Variants in VPS51 observed in about 807,000 individuals in gnomAD.
The protein encoded by VPS51 is vacuolar protein sorting-associated protein 51 homolog.
VPS51 carries 55 observed loss-of-function variants against 65.1 expected under a neutral mutation model. The ratio of observed to expected loss-of-function variants is 0.84; its 90% confidence interval spans 0.68 to 1.06. The LOEUF (loss-of-function observed/expected upper bound fraction) is 1.06, where lower values mean the gene tolerates loss of function less well. Ranked by LOEUF, VPS51 falls within the 50% of genes least tolerant of loss-of-function variation. The pLI is 0.00. For synonymous variants in VPS51, 473 were observed against 489.5 expected, an observed-to-expected ratio of 0.97 and a Z score of 0.44; for missense variants, 943 against 1,101.6, an observed-to-expected ratio of 0.86 and a Z score of 2.04.
At chr11:65,108,114 C>T (rs1300651224) in intron 4 of VPS51, 83 bp from the exon 5 acceptor site, 4 of 1,538,682 alleles carry the variant, frequency 2.6e-6, no homozygotes, top group South Asian at 1.2e-5. Flanking sequence ...TGTCCCCCTG[C>T]CCTGTGTGTG....
chr11:65,108,626 G>GCACTCCA lies in VPS51; in HGVS notation c.1156_1157insACTCCAC (p.Leu386HisfsTer75). Reference sequence around the variant, plus strand: ...GGCGCTTGCGGGCTCCCGGGGCCCTGCTGGCCGCTGCCGGGCTCGCAGACG... The same window carrying GCACTCCA: ...GGCGCTTGCGGGCTCCCGGGGCCCTGCACTCCACTGGCCGCTGCCGGGCTCGCAGACG... On this transcript the variant is annotated frameshift_variant, in exon 5 of 10. Transcript: ENST00000279281. LOFTEE classifies it high-confidence loss of function. 6.5e-7 allele frequency: 1 copy of GCACTCCA among 1,528,954 alleles called. No homozygotes were observed. Among genetic ancestry groups the GCACTCCA allele is most frequent in the Non-Finnish European group, 8.7e-7 (1 of 1,146,260 alleles). The allele number at this position is 1,528,954 out of a possible 1,614,324, so 94.7% of individuals were successfully genotyped here.
At position 65,109,937 on chromosome 11, in the gene VPS51, T is replaced by C. The variant is rs1453288171; in HGVS notation, c.1878+14T>C. 5.1e-6 allele frequency: 8 copies of C among 1,580,520 alleles called. No homozygotes were observed. The highest frequency in any genetic ancestry group is 6.9e-6 in the Non-Finnish European group (8 of 1,167,598). On this transcript the variant is annotated intron_variant, in intron 7 of 9. Coordinates refer to ENST00000279281, the MANE Select transcript of VPS51 (RefSeq NM_013265.4). ...ATCGACGTGCAGGTGCTGCCCAGGC[T>C]GGCCGGGGTAGCCCTGACGCAGGCT...
rs754372916 is a variant in VPS51, at chr11:65,109,544, C to T, written c.1659+49C>T. On this transcript the variant is annotated intron_variant, in intron 6 of 9. Transcript: ENST00000279281. ...GCAGGGAATGGTGTTGCTGGGAATG[C>T]AGATGGCTGGACAGTGCCCTCATGG... 10 of 1,593,626 alleles carry T rather than the reference C, an allele frequency of 6.3e-6. No homozygotes were observed. In the Admixed American group the frequency reaches 1.3e-4, roughly 21 times the overall value.
At chr11:65,096,903 CAG>C in intron 1 of VPS51, 93 bp from the exon 2 acceptor site, 1 of 1,533,904 alleles carries the variant, frequency 6.5e-7, no homozygotes, top group East Asian at 2.4e-5. Context: ...GGGTGGGGAT[CAG>C]AGATTTCTTG....
At position 65,109,444 on chromosome 11, in the gene VPS51, G is replaced by A. The variant is rs376252985; in HGVS notation, c.1608G>A (p.Thr536=). ...CCCGCCTCTGCCTGGACTACGAGAC[G>A]GCCACCATCTCCTACATCCTCACTC... The part of the protein sequence containing the change: ...LLSRLCLDYE[T]ATISYILTLT... The change falls in exon 6 of 10, where the codon ACG becomes ACA. Residue 536 remains threonine, a synonymous_variant. Coordinates refer to ENST00000279281, the MANE Select transcript of VPS51 (RefSeq NM_013265.4). The A allele has an allele frequency of 2.5e-5, 40 of 1,608,976 alleles. No homozygotes were observed. Among genetic ancestry groups the A allele is most frequent in the Non-Finnish European group, 2.6e-5 (31 of 1,180,018 alleles).
intron 6 of VPS51, 64 bp from the exon 7 acceptor site, chr11:65,109,641 G>T: frequency 6.6e-7 from 1 of 1,516,412 alleles, no homozygotes; most frequent in South Asian, 1.3e-5. Flanking sequence ...GCTCCTGGTT[G>T]GCAGTGGCCC....
intron 6 of VPS51, 74 bp from the exon 7 acceptor site, chr11:65,109,631 G>C (rs1447411903): frequency 4.0e-6 from 6 of 1,514,164 alleles, no homozygotes; most frequent in Non-Finnish European, 5.3e-6. Context: ...TCTGTGCCCA[G>C]CTCCTGGTTG....
In VPS51 at chr11:65,108,360, G is replaced by A; in HGVS notation, c.889G>A (p.Ala297Thr). The change falls in exon 5 of 10, where the codon GCT becomes ACT. Residue 297 changes from alanine (A) to threonine (T), a missense_variant. Ala to Thr is a moderately conservative substitution (Grantham distance 58). Coordinates refer to ENST00000279281, the MANE Select transcript of VPS51 (RefSeq NM_013265.4). ...LEAELGPSPP[A>T]PDVLEFTDHG... ...GGCCGAGCTGGGGCCCTCACCTCCG[G>A]CTCCCGACGTGTTAGAGTTCACCGA... The A allele has an allele frequency of 6.2e-7, 1 of 1,612,072 alleles. No individual in the cohort carries two copies. The highest frequency in any genetic ancestry group is 8.5e-7 in the Non-Finnish European group (1 of 1,179,648).
At chr11:65,106,282 G>A (rs1037123593) in intron 2 of VPS51, among the ~76,000 whole-genome samples, 1 of 152,166 alleles carries the variant, frequency 6.6e-6, no homozygotes, top group African/African-American at 2.4e-5. Context: ...AGAACTGCCC[G>A]AGACTAGGTA....
intron 1 of VPS51, 177 bp from the exon 2 acceptor site, chr11:65,096,821 A>G: frequency 1.1e-6 from 1 of 906,852 alleles, no homozygotes; most frequent in Non-Finnish European, 1.6e-6. Flanking sequence ...GGTTGAACCT[A>G]GTAACCCCTG....
chr11:65,096,345 A>G lies in VPS51; in HGVS notation c.95A>G (p.Lys32Arg), dbSNP rs771429081. ...GGGGAGGCTCCGGAGCGTCGGCGGA[A>G]GGCGCACGGGATGCTGAAGCTTTAC... ...PEGEAPERRR[K>R]AHGMLKLYYG... is the part of the protein sequence containing the mutation. Residue 32 changes from lysine (K) to arginine (R), a missense_variant, in exon 1 of 10, where the codon AAG becomes AGG. Coordinates refer to ENST00000279281, the MANE Select transcript of VPS51 (RefSeq NM_013265.4). 9 of 1,523,758 alleles carry G rather than the reference A, an allele frequency of 5.9e-6. No individual in the cohort carries two copies. In the East Asian group the frequency reaches 1.0e-4, roughly 17 times the overall value. The allele number at this position is 1,523,758 out of a possible 1,614,324, so 94.4% of individuals were successfully genotyped here. A position where few individuals can be genotyped will look rare whatever the true frequency, so the allele number is the denominator to read the frequency against.
rs753876659 is a variant in VPS51 at position 65,107,776 on chromosome 11, G to C, written c.506-27G>C. The C allele has an allele frequency of 2.5e-6, 4 of 1,604,116 alleles. No homozygotes were observed. The highest frequency in any genetic ancestry group is 3.4e-6 in the Non-Finnish European group (4 of 1,176,376). On this transcript the variant is annotated intron_variant, in intron 3 of 9. Coordinates refer to ENST00000279281, the MANE Select transcript of VPS51 (RefSeq NM_013265.4). The surrounding 1 kb of genome is among the most constrained non-coding windows in gnomAD (Gnocchi z 4.0). Reference sequence around the variant, plus strand: ...GCAGTGGGCCTTTCCTGGGGCTCTGGGGCTAACGTCACCCTCCGTCCCCCA... The same window carrying C: ...GCAGTGGGCCTTTCCTGGGGCTCTGCGGCTAACGTCACCCTCCGTCCCCCA...
In VPS51 at chr11:65,110,449, G is replaced by A. The variant is rs547593117; in HGVS notation, c.1879-33G>A. On this transcript the variant is annotated intron_variant, in intron 7 of 9. Transcript: ENST00000279281. ...ATGGGCTGGTGGTTTCCCCTGACTC[G>A]GGCCTCCTTGCAGTACCTCTTTTTA... The A allele has an allele frequency of 2.2e-5, 35 of 1,613,334 alleles. No homozygotes were observed. In the East Asian group the frequency reaches 6.7e-4, roughly 31 times the overall value.
intron 9 of VPS51, 34 bp from the exon 10 acceptor site, chr11:65,111,293 T>A: frequency 6.3e-7 from 1 of 1,599,146 alleles, no homozygotes; most frequent in South Asian, 1.1e-5. Flanking sequence ...ACACCTGCAG[T>A]CCCCAAGCTG....
Position 65,110,780 on chromosome 11 carries a change from A to G in VPS51, c.2087A>G (p.Lys696Arg), listed in dbSNP as rs747933664. The G allele has an allele frequency of 3.7e-6, 6 of 1,614,106 alleles. No homozygotes were observed. The South Asian group carries it at 6.6e-5, about 18-fold the overall frequency. ...GTGTTCAGCCCTGTGGAGTTCAACAAGGTCCGACTTCCAACGTGACTCAGA... is the reference window on the plus strand; with the variant it reads ...GTGTTCAGCCCTGTGGAGTTCAACAGGGTCCGACTTCCAACGTGACTCAGA... The part of the protein sequence containing the change: ...IDVFSPVEFN[K>R]VSVLTGIIKI... The change falls in exon 9 of 10, where the codon AAG becomes AGG. Residue 696 changes from lysine (K) to arginine (R), a missense_variant and splice_region_variant. By Grantham distance (26) the Lys-to-Arg change is conservative. Coordinates refer to ENST00000279281, the MANE Select transcript of VPS51 (RefSeq NM_013265.4).
chr11:65,111,833 G>A lies in VPS51; in HGVS notation c.*246G>A. The A allele has an allele frequency of 2.1e-6, 2 of 932,376 alleles. No individual in the cohort carries two copies. The highest frequency in any genetic ancestry group is 1.6e-5 in the South Asian group (1 of 60,954). The allele number at this position is 932,376 out of a possible 1,614,324, so 57.8% of individuals were successfully genotyped here. A position where few individuals can be genotyped will look rare whatever the true frequency, so the allele number is the denominator to read the frequency against. On this transcript the variant is annotated 3_prime_UTR_variant, in exon 10 of 10. Transcript: ENST00000279281. ...GTGCTGGGCCCAGCATGGGCAGGGG[G>A]CGGTTCCACTTAAAAACCCTGGGAC...
At position 65,110,778 on chromosome 11, in the gene VPS51, C is replaced by T; in HGVS notation, c.2085C>T (p.Asn695=). The change falls in exon 9 of 10, where the codon AAC becomes AAT. Residue 695 remains asparagine (N), a synonymous_variant. Coordinates refer to ENST00000279281, the MANE Select transcript of VPS51 (RefSeq NM_013265.4). ...ATGTGTTCAGCCCTGTGGAGTTCAA[C>T]AAGGTCCGACTTCCAACGTGACTCA... ...RIDVFSPVEF[N]KVSVLTGIIK... 1 of 1,614,152 alleles carries T rather than the reference C, an allele frequency of 6.2e-7. No individual in the cohort carries two copies. Among genetic ancestry groups the T allele is most frequent in the South Asian group, 1.1e-5 (1 of 91,086 alleles).
At chr11:65,104,428 T>C (rs1295050316) in intron 2 of VPS51, among the ~76,000 whole-genome samples, 2 of 152,336 alleles carry the variant, frequency 1.3e-5, no homozygotes, top group South Asian at 2.1e-4. Flanking sequence ...GTAAACATGA[T>C]ACTGAGTTTT....
intron 2 of VPS51, among the ~76,000 whole-genome samples, chr11:65,101,877 C>T (rs972163721): frequency 1.3e-5 from 2 of 151,478 alleles, no homozygotes; most frequent in Admixed American, 6.6e-5. Flanking sequence ...TAATCAGCAT[C>T]CAGGTCGGGA....
Sources: allele counts gnomAD v4.1 joint callset (sites outside exome capture counted in the v4.1 genomes callset), GRCh38; gene constraint gnomAD v4.1.1; non-coding constraint Gnocchi (gnomAD v3.1); transcripts MANE v1.5; gene names NCBI Gene and HGNC (gene_info 2026-07-23, HGNC 2026-07-21).